GLMN: variants seen among roughly 807,000 people sequenced by gnomAD.
The protein encoded by GLMN is glomulin, FKBP associated protein.
GLMN carries 75 observed loss-of-function variants against 87.8 expected under a neutral mutation model. The observed-to-expected ratio is 0.85, with a 90% CI of 0.71 to 1.04. The LOEUF (loss-of-function observed/expected upper bound fraction) is 1.04. Among genes scored for constraint, GLMN ranks in the 50% least tolerant of loss-of-function variants. The pLI is 0.00. For synonymous variants in GLMN, 206 were observed against 221.6 expected, an observed-to-expected ratio of 0.93 and a Z score of 0.63; for missense variants, 588 against 658.8, an observed-to-expected ratio of 0.89 and a Z score of 1.18.
chr1:92,249,834 T>C (rs1399864538), intron 16 of GLMN, among the ~76,000 whole-genome samples: 3 of 152,166 alleles, frequency 2.0e-5, no homozygotes, highest in African/African-American at 7.2e-5. Flanking sequence ...ATCCACGAGA[T>C]CAAGTTTGTT....
chr1:92,289,009 G>C lies in GLMN; in HGVS notation c.537C>G (p.Ala179=). 1 of 1,612,166 alleles carries C rather than the reference G, an allele frequency of 6.2e-7. No individual in the cohort carries two copies. The highest frequency in any genetic ancestry group is 8.5e-7 in the Non-Finnish European group (1 of 1,178,296). Residue 179 remains alanine, a synonymous_variant, in exon 6 of 19, where the codon GCC becomes GCG. Transcript: ENST00000370360. ...CAAAAGGCTTAGTGAACTCTATTAA[G>C]GCCTTGCAACACTGACAAAGGCCAT... ...DDYGLCQCCK[A]LIEFTKPFVE...
chr1:92,362,045 G>A, the GLMN span, among the ~76,000 whole-genome samples: 1 of 152,116 alleles, frequency 6.6e-6, no homozygotes, highest in Non-Finnish European at 1.5e-5. Context: ...GGTCCTAATG[G>A]AAATTTTTTA....
rs527274224 is a variant in GLMN, at chr1:92,285,406, T to C, written c.735+1084A>G. On this transcript the variant is annotated intron_variant, in intron 7 of 18. Coordinates refer to ENST00000370360, the MANE Select transcript of GLMN (RefSeq NM_053274.3). ...GCAGGTTCTTACTCATTGGTAGGAG[T>C]TGAACAATGAGAACACATGGACACA... 1.3e-4 allele frequency among the ~76,000 whole-genome samples: 20 copies of C among 151,706 alleles called. No homozygotes were observed. In the East Asian group the frequency reaches 3.5e-3, roughly 26 times the overall value.
intron 3 of GLMN, 107 bp downstream of exon 3, chr1:92,297,297 A>C: frequency 1.4e-6 from 2 of 1,452,148 alleles, no homozygotes; most frequent in South Asian, 2.3e-5. Flanking sequence ...CTACTGTGAA[A>C]ATTTAAGTAG....
chr1:92,266,684 C>A lies in GLMN; in HGVS notation c.1140+16G>T. The A allele has an allele frequency of 6.5e-7, 1 of 1,540,312 alleles. No homozygotes were observed. Among genetic ancestry groups the A allele is most frequent in the Non-Finnish European group, 9.0e-7 (1 of 1,114,902 alleles). On this transcript the variant is annotated intron_variant, in intron 12 of 18. Coordinates refer to ENST00000370360, the MANE Select transcript of GLMN (RefSeq NM_053274.3). ...ACTGTAACTCATTATTCTTTAGTCA[C>A]CAAATATTTACATACCAGTGTCTCA...
the GLMN span, chr1:92,336,508 A>G: frequency 6.6e-6 from 6 of 906,444 alleles, no homozygotes; most frequent in South Asian, 1.4e-5. Flanking sequence ...GCACAGAGAA[A>G]GTAAGTGACT....
At chr1:92,345,816 C>G in the GLMN span, 4 of 1,327,494 alleles carry the variant, frequency 3.0e-6, no homozygotes, top group Non-Finnish European at 4.3e-6. Flanking sequence ...AAAGGTAACA[C>G]TCCTTGGATA....
At chr1:92,320,649 G>A in the GLMN span, 1 of 1,591,286 alleles carries the variant, frequency 6.3e-7, no homozygotes, top group South Asian at 1.1e-5. Context: ...GGTTGAATCA[G>A]TATCATTTAC....
chr1:92,349,472 A>G, the GLMN span, among the ~76,000 whole-genome samples: 27 of 152,030 alleles, frequency 1.8e-4, no homozygotes, highest in Non-Finnish European at 3.7e-4. Flanking sequence ...TTAAAGGGGG[A>G]AAAAAATCAA....
chr1:92,294,443 AT>A (rs1228154742), intron 3 of GLMN, among the ~76,000 whole-genome samples: 2 of 152,222 alleles, frequency 1.3e-5, no homozygotes, highest in South Asian at 2.1e-4. Context: ...AACACTATAT[AT>A]AAATACTATA....
At chr1:92,297,822 C>A in intron 2 of GLMN, 139 bp downstream of exon 2, 1 of 642,768 alleles carries the variant, frequency 1.6e-6, no homozygotes, top group South Asian at 1.9e-5. Flanking sequence ...CTGCCTCCCC[C>A]ACTCATGCTC....
the GLMN span, among the ~76,000 whole-genome samples, chr1:92,363,242 A>G: frequency 1.3e-5 from 2 of 152,190 alleles, no homozygotes; most frequent in Non-Finnish European, 2.9e-5. Context: ...TGTTTTGGAT[A>G]GAAACAGACT....
the GLMN span, among the ~76,000 whole-genome samples, chr1:92,359,578 C>T: frequency 7.2e-5 from 11 of 152,224 alleles, no homozygotes; most frequent in Non-Finnish European, 1.6e-4. Flanking sequence ...CCTTGGCCTC[C>T]CAAAGTGCTG....
intron 7 of GLMN, among the ~76,000 whole-genome samples, chr1:92,273,511 C>T (rs1286138276): frequency 7.0e-6 from 1 of 141,904 alleles, no homozygotes; most frequent in African/African-American, 2.6e-5. Flanking sequence ...GTGGCATGAT[C>T]ATGGCTTACT....
At chr1:92,341,911 A>G in the GLMN span, among the ~76,000 whole-genome samples, 1 of 152,196 alleles carries the variant, frequency 6.6e-6, no homozygotes, top group Non-Finnish European at 1.5e-5. Flanking sequence ...CCAACGTGCT[A>G]GGATTACAGG....
the GLMN span, among the ~76,000 whole-genome samples, chr1:92,306,981 A>T: frequency 6.6e-6 from 1 of 152,174 alleles, no homozygotes; most frequent in African/African-American, 2.4e-5. Context: ...GGTAGTGGTT[A>T]CTTCTGGGGA....
At chr1:92,291,301 C>A (rs1570972252) in intron 4 of GLMN, 117 bp downstream of exon 4, 1 of 906,656 alleles carries the variant, frequency 1.1e-6, no homozygotes, top group Non-Finnish European at 1.8e-6. Flanking sequence ...CCAACGAGTT[C>A]CTTTCTGCAT....
the GLMN span, among the ~76,000 whole-genome samples, chr1:92,311,521 A>G: frequency 6.6e-6 from 1 of 152,244 alleles, no homozygotes; most frequent in South Asian, 2.1e-4. Context: ...CTTTTAAATT[A>G]TGAAGAAAAA....
the GLMN span, among the ~76,000 whole-genome samples, chr1:92,368,057 T>A: frequency 2.6e-5 from 4 of 152,186 alleles, no homozygotes; most frequent in Non-Finnish European, 5.9e-5. Context: ...AGCTACAATA[T>A]GGAGTTTCCA....
Sources: gnomAD v4.1 joint callset for allele counts (sites outside exome capture counted in the v4.1 genomes callset) on GRCh38, gnomAD v4.1.1 for gene constraint, MANE v1.5 for transcripts, NCBI Gene and HGNC (gene_info 2026-07-23, HGNC 2026-07-21) for gene names.